Variants in ATG7 observed in about 807,000 individuals in gnomAD.
The protein encoded by ATG7 is autophagy related 7.
A neutral mutation model predicts 82.4 loss-of-function variants in ATG7; 70 were observed. That is an observed-to-expected ratio of 0.85 (90% CI 0.70 to 1.04). The LOEUF is 1.04. Among genes scored for constraint, ATG7 ranks in the 50% least tolerant of loss-of-function variants. ATG7 has a pLI of 0.00. For missense variants in ATG7, 792 were observed against 864.3 expected (o/e 0.92, Z 1.05); for synonymous variants, 287 against 313.0 (o/e 0.92, Z 0.88).
chr3:11,549,490 C>T (rs1162924968), intron 20 of ATG7, among the ~76,000 whole-genome samples: 2 of 152,126 alleles, frequency 1.3e-5, no homozygotes, highest in East Asian at 3.9e-4. Context: ...CCCCTCGTAC[C>T]CTTCGACCCC....
At chr3:11,567,106 T>G in the ATG7 span, among the ~76,000 whole-genome samples, 1 of 152,108 alleles carries the variant, frequency 6.6e-6, no homozygotes, top group Non-Finnish European at 1.5e-5. Flanking sequence ...TCGGCTGTGA[T>G]GTTGTGATGT....
At chr3:11,440,673 G>GTTT (rs2083836620) in intron 20 of ATG7, among the ~76,000 whole-genome samples, 1 of 32,704 alleles carries the variant, frequency 3.1e-5, no homozygotes, top group Non-Finnish European at 5.6e-5. Flanking sequence ...GTCCCCATTT[G>GTTT]CTTTTTTTTT....
chr3:11,493,553 C>T (rs1306466877), intron 20 of ATG7, among the ~76,000 whole-genome samples: 2 of 152,100 alleles, frequency 1.3e-5, no homozygotes, highest in Admixed American at 1.3e-4. Flanking sequence ...GGGGACCTGC[C>T]CCTGTCTGCC....
At chr3:11,304,040 G>A (rs1032119406) in intron 5 of ATG7, among the ~76,000 whole-genome samples, 13 of 152,190 alleles carry the variant, frequency 8.5e-5, no homozygotes, top group South Asian at 8.3e-4. Context: ...GCAGTGAGCC[G>A]AGATCGCACG....
intron 9 of ATG7, among the ~76,000 whole-genome samples, chr3:11,315,945 T>C (rs7622627): frequency 0.87 from 132,501 of 152,226 alleles, 57,961 homozygotes; most frequent in East Asian, 1. Context: ...GTTGGCCAGG[T>C]TGGTCTTGAA....
intron 19 of ATG7, among the ~76,000 whole-genome samples, chr3:11,401,883 A>C (rs565871288): frequency 6.6e-6 from 1 of 152,206 alleles, no homozygotes; most frequent in Non-Finnish European, 1.5e-5. Flanking sequence ...TGATCCTTTT[A>C]TTAGTTTGTT....
chr3:11,340,529 C>T lies in ATG7; in HGVS notation c.890-116C>T, dbSNP rs1953376807. 5.9e-6 allele frequency: 5 copies of T among 854,664 alleles called. No individual in the cohort carries two copies. The South Asian group carries it at 7.1e-5, about 12-fold the overall frequency. The allele number at this position is 854,664 out of a possible 1,614,324, so 52.9% of individuals were successfully genotyped here. The stretch of plus-strand genomic sequence containing the variant: ...CTTTTAGAAAGAAGCAAACCAAAAG[C>T]TTGTCAATGCATGGGCCATTATGAA... On this transcript the variant is annotated intron_variant, in intron 11 of 20. Coordinates refer to ENST00000693202, the MANE Select transcript of ATG7 (RefSeq NM_001349232.2).
chr3:11,358,672 G>A (rs998343574), intron 15 of ATG7, 60 bp downstream of exon 15: 9 of 1,545,048 alleles, frequency 5.8e-6, no homozygotes, highest in Non-Finnish European at 7.9e-6. Flanking sequence ...AGAGGGAGGA[G>A]TGTCCCTAAC....
Position 11,307,068 on chromosome 3 carries a change from G to C in ATG7, c.333+8G>C, listed in dbSNP as rs371002887. 7 of 1,603,388 alleles carry C rather than the reference G, an allele frequency of 4.4e-6. No individual in the cohort carries two copies. In the African/African-American group the frequency reaches 9.4e-5, roughly 21 times the overall value. On this transcript the variant is annotated splice_region_variant and intron_variant, in intron 6 of 20. Coordinates refer to ENST00000693202, the MANE Select transcript of ATG7 (RefSeq NM_001349232.2). The stretch of plus-strand genomic sequence containing the variant: ...GAACAAGCAGCAAATGAGGTTAGCT[G>C]TGAAAACGTGATGTATGTGTCATAT...
At chr3:11,408,117 C>G (rs933472345) in intron 19 of ATG7, among the ~76,000 whole-genome samples, 70 of 152,184 alleles carry the variant, frequency 4.6e-4, no homozygotes, top group African/African-American at 1.7e-3. Flanking sequence ...CCCAAGTTAC[C>G]TCTTGAATGC....
chr3:11,504,051 GAGAGAGTCTAC>G (rs1340849210), intron 20 of ATG7, among the ~76,000 whole-genome samples: 3 of 152,144 alleles, frequency 2.0e-5, no homozygotes, highest in Non-Finnish European at 4.4e-5. Flanking sequence ...TGTCTCCATT[GAGAGAGTCTAC>G]CAACTGCCCA....
intron 9 of ATG7, among the ~76,000 whole-genome samples, chr3:11,318,762 G>T (rs1388560066): frequency 6.6e-6 from 1 of 152,108 alleles, no homozygotes; most frequent in African/African-American, 2.4e-5. Flanking sequence ...GGCTACCCCT[G>T]TGCCCTCCAA....
intron 3 of ATG7, among the ~76,000 whole-genome samples, chr3:11,286,855 T>C (rs1944157197): frequency 6.6e-6 from 1 of 151,978 alleles, no homozygotes; most frequent in African/African-American, 2.4e-5. Flanking sequence ...TCCTCCCGCC[T>C]CAGACCCCCA....
intron 3 of ATG7, among the ~76,000 whole-genome samples, chr3:11,286,625 C>T (rs1464831678): frequency 1.8e-5 from 2 of 112,676 alleles, no homozygotes; most frequent in African/African-American, 6.9e-5. Flanking sequence ...GGGTCTGGCT[C>T]GATCACCTGG....
intron 20 of ATG7, among the ~76,000 whole-genome samples, chr3:11,478,989 A>AACACACACAAACACACACACACACACAC (rs766632953): frequency 1.8e-4 from 13 of 73,130 alleles, no homozygotes; most frequent in East Asian, 9.4e-4. Context: ...GTATATTTAC[A>AACACACACAAACACACACACACACACAC]ACACACACAC....
chr3:11,553,167 G>C (rs1353654939), intron 20 of ATG7, among the ~76,000 whole-genome samples: 1 of 152,074 alleles, frequency 6.6e-6, no homozygotes, highest in Admixed American at 6.5e-5. Context: ...CAGGCAGCCC[G>C]CCCCGCCCTT....
downstream of ATG7, chr3:11,558,572 G>A (rs1485935279): frequency 3.7e-6 from 6 of 1,602,804 alleles, no homozygotes; most frequent in Non-Finnish European, 5.1e-6. Flanking sequence ...GACCACAGAG[G>A]GGGAGTGACT....
intron 20 of ATG7, among the ~76,000 whole-genome samples, chr3:11,489,726 C>T (rs1245514229): frequency 2.7e-5 from 4 of 148,506 alleles, no homozygotes; most frequent in Admixed American, 6.7e-5. Context: ...GCCTTCATTT[C>T]GTTATGTACC....
chr3:11,437,947 A>G (rs2083511236), intron 20 of ATG7, among the ~76,000 whole-genome samples: 1 of 152,196 alleles, frequency 6.6e-6, no homozygotes, highest in African/African-American at 2.4e-5. Context: ...TTTCCCAGAA[A>G]TGTACAGGAT....
Sources: gnomAD v4.1 joint callset for allele counts (sites outside exome capture counted in the v4.1 genomes callset) on GRCh38, gnomAD v4.1.1 for gene constraint, MANE v1.5 for transcripts, NCBI Gene and HGNC (gene_info 2026-07-23, HGNC 2026-07-21) for gene names.